The following MIR2052HG variants were observed in gnomAD, a reference collection of about 807,000 sequenced individuals.
The protein encoded by MIR2052HG is MIR2052 host gene.
intron 1 of MIR2052HG, among the ~76,000 whole-genome samples, chr8:74,610,348 A>T (rs1808176726): frequency 6.6e-6 from 1 of 151,974 alleles, no homozygotes; most frequent in African/African-American, 2.4e-5. Flanking sequence ...TACAAACTAT[A>T]CAATATTGCT....
intron 2 of MIR2052HG, among the ~76,000 whole-genome samples, chr8:74,664,616 C>T (rs1808902072): frequency 6.6e-6 from 1 of 152,264 alleles, no homozygotes; most frequent in South Asian, 2.1e-4. Context: ...CCCCAGGGTT[C>T]AAGCGATTCT....
chr8:74,622,047 C>T (rs1808369006), intron 2 of MIR2052HG, among the ~76,000 whole-genome samples: 1 of 152,004 alleles, frequency 6.6e-6, no homozygotes, highest in African/African-American at 2.4e-5. Flanking sequence ...CAGAAAGAGA[C>T]AAACGGGATT....
intron 4 of MIR2052HG, among the ~76,000 whole-genome samples, chr8:74,729,376 C>A (rs532414618): frequency 1.3e-5 from 2 of 152,210 alleles, no homozygotes; most frequent in South Asian, 4.1e-4. Context: ...GTAATGTGCA[C>A]TATTTTATGT....
intron 2 of MIR2052HG, among the ~76,000 whole-genome samples, chr8:74,652,916 T>C (rs557135135): frequency 5.4e-4 from 83 of 152,300 alleles, no homozygotes; most frequent in Middle Eastern, 3.4e-3. Flanking sequence ...TCCTGAGTGA[T>C]TGGCTGCTTC....
chr8:74,745,628 A>G (rs553561582), intron 4 of MIR2052HG, among the ~76,000 whole-genome samples: 1 of 152,280 alleles, frequency 6.6e-6, no homozygotes, highest in East Asian at 1.9e-4. Context: ...AATAAAACGC[A>G]TGGTCCAGGG....
Position 74,649,960 on chromosome 8 carries a change from T to C in MIR2052HG, n.216+37020T>C, listed in dbSNP as rs73687192. ...ATAAAGTGTCCTTCTACTGAGTGTGTATATTTGAAATATGATTTGAAATTT... is the reference window on the plus strand; with the variant it reads ...ATAAAGTGTCCTTCTACTGAGTGTGCATATTTGAAATATGATTTGAAATTT... On this transcript the variant is annotated intron_variant and non_coding_transcript_variant, in intron 2 of 6. Coordinates refer to ENST00000523442, the Ensembl canonical transcript of MIR2052HG. Among the ~76,000 whole-genome samples the C allele has an allele frequency of 1.9e-3, 286 of 152,284 alleles. 1 individual carries two copies. Among genetic ancestry groups the C allele is most frequent in the African/African-American group, 6.4e-3 (267 of 41,562 alleles).
chr8:74,636,225 T>G (rs1043974521), intron 2 of MIR2052HG, among the ~76,000 whole-genome samples: 1 of 152,162 alleles, frequency 6.6e-6, no homozygotes, highest in Non-Finnish European at 1.5e-5. Context: ...GACCTGTTCT[T>G]TACTTACCTT....
intron 2 of MIR2052HG, among the ~76,000 whole-genome samples, chr8:74,648,623 G>T (rs1486716199): frequency 6.6e-6 from 1 of 152,106 alleles, no homozygotes; most frequent in East Asian, 1.9e-4. Context: ...AGGCCCAGCT[G>T]TAAAATTTCT....
intron 1 of MIR2052HG, among the ~76,000 whole-genome samples, chr8:74,601,235 T>A (rs1203105435): frequency 1.3e-5 from 2 of 152,246 alleles, no homozygotes; most frequent in African/African-American, 4.8e-5. Context: ...ACCATTTGTC[T>A]GTAATCATTC....
At chr8:74,729,049 C>G (rs1014146472) in intron 4 of MIR2052HG, among the ~76,000 whole-genome samples, 1 of 152,102 alleles carries the variant, frequency 6.6e-6, no homozygotes, top group Admixed American at 6.5e-5. Context: ...TTAAAGAACT[C>G]TAAGTTTTAA....
intron 2 of MIR2052HG, among the ~76,000 whole-genome samples, chr8:74,627,921 A>G (rs1170985217): frequency 1.3e-5 from 2 of 152,196 alleles, no homozygotes; most frequent in Non-Finnish European, 2.9e-5. Context: ...GAAATCTATC[A>G]AGCTTAGTAG....
chr8:74,688,183 T>C (rs1345792337), intron 2 of MIR2052HG, among the ~76,000 whole-genome samples: 2 of 152,232 alleles, frequency 1.3e-5, no homozygotes, highest in African/African-American at 4.8e-5. Context: ...TTAACACTGG[T>C]AAATTAATAT....
At chr8:74,719,849 C>CTTTTTTTTTTTTTTTTTTTTTT (rs10647233) in intron 4 of MIR2052HG, among the ~76,000 whole-genome samples, 10 of 106,716 alleles carry the variant, frequency 9.4e-5, no homozygotes, top group Non-Finnish European at 1.5e-4. Context: ...TTTCTTTTTT[C>CTTTTTTTTTTTTTTTTTTTTTT]TTTTTTTTTT....
At chr8:74,740,206 G>A (rs930923481) in intron 4 of MIR2052HG, among the ~76,000 whole-genome samples, 2 of 152,158 alleles carry the variant, frequency 1.3e-5, no homozygotes, top group Non-Finnish European at 2.9e-5. Context: ...GGTCACACCT[G>A]TAATCCCAGT....
chr8:74,708,672 G>A (rs1434609136), intron 4 of MIR2052HG, among the ~76,000 whole-genome samples: 1 of 151,748 alleles, frequency 6.6e-6, no homozygotes, highest in Non-Finnish European at 1.5e-5. Context: ...TTGTGACAAA[G>A]TAAAATATAA....
intron 4 of MIR2052HG, among the ~76,000 whole-genome samples, chr8:74,726,743 T>G (rs538949924): frequency 6.6e-5 from 10 of 152,184 alleles, no homozygotes; most frequent in Non-Finnish European, 1.3e-4. Context: ...CTTTGGTGGA[T>G]TATATGGCAT....
intron 2 of MIR2052HG, among the ~76,000 whole-genome samples, chr8:74,615,628 T>G (rs2128731914): frequency 6.6e-6 from 1 of 152,236 alleles, no homozygotes. Context: ...TTTTTTATTA[T>G]ACTTTAAGTT....
At chr8:74,699,443 G>A (rs192789991) in intron 2 of MIR2052HG, among the ~76,000 whole-genome samples, 12 of 150,288 alleles carry the variant, frequency 8.0e-5, no homozygotes, top group Non-Finnish European at 7.4e-5. Flanking sequence ...TATACACCAT[G>A]GAATCATACT....
intron 4 of MIR2052HG, among the ~76,000 whole-genome samples, chr8:74,744,579 G>A (rs1809864251): frequency 6.6e-6 from 1 of 151,592 alleles, no homozygotes; most frequent in Non-Finnish European, 1.5e-5. Flanking sequence ...TGCGGTGTTT[G>A]GTTTTTTGTC....
Sources: allele counts gnomAD v4.1 joint callset (sites outside exome capture counted in the v4.1 genomes callset), GRCh38; gene constraint gnomAD v4.1.1; transcripts MANE v1.5; gene names NCBI Gene and HGNC (gene_info 2026-07-23, HGNC 2026-07-21).